Variants in PLCL2 observed in about 807,000 individuals in gnomAD.
PLCL2 encodes inactive phospholipase C-like protein 2.
Under a neutral mutation model 79.6 loss-of-function variants are expected in PLCL2, and 4 were observed. That is an observed-to-expected ratio of 0.05 (90% confidence interval 0.02 to 0.11). The LOEUF is 0.11. PLCL2 is among the 10% of genes least tolerant of loss of function. The pLI is 1.00. For missense variants in PLCL2, 895 were observed against 1,291.0 expected (o/e 0.69, Z 4.70); for synonymous variants, 484 against 457.7 (o/e 1.06, Z -0.73).
chr3:16,933,132 G>A (rs1177261957), intron 1 of PLCL2: 3 of 154,782 alleles, frequency 1.9e-5, no homozygotes, highest in Non-Finnish European at 2.9e-5. Context: ...GTATTTTACA[G>A]TGGTTGCTGC....
At position 16,952,599 on chromosome 3, in the gene PLCL2, CTT is replaced by C. The variant is rs1390202068; in HGVS notation, c.328-57073_328-57072del. On this transcript the variant is annotated intron_variant, in intron 1 of 5. Coordinates refer to ENST00000615277, the MANE Select transcript of PLCL2 (RefSeq NM_001144382.2). ...TTATGGGGGAAATTATTCCTGGCAT[CTT>C]TATTTAATAAAGCAGGATACAAATT... Among the ~76,000 whole-genome samples, 203 of 151,918 alleles carry C rather than the reference CTT, an allele frequency of 1.3e-3. 3 individuals carry two copies. The highest frequency in any genetic ancestry group is 2.5e-4 in the Non-Finnish European group (17 of 67,920).
intron 4 of PLCL2, among the ~76,000 whole-genome samples, chr3:17,054,525 C>G (rs903139212): frequency 2.6e-5 from 4 of 152,068 alleles, no homozygotes; most frequent in African/African-American, 9.7e-5. Flanking sequence ...AGGAAACTTA[C>G]AGTCATGGTG....
chr3:17,065,969 T>C (rs1008897034), intron 4 of PLCL2, among the ~76,000 whole-genome samples: 1 of 152,236 alleles, frequency 6.6e-6, no homozygotes, highest in Non-Finnish European at 1.5e-5. Flanking sequence ...GTATTAATTA[T>C]TCCTGTTTGG....
At chr3:16,986,562 C>A (rs1193859448) in intron 1 of PLCL2, among the ~76,000 whole-genome samples, 3 of 152,048 alleles carry the variant, frequency 2.0e-5, no homozygotes, top group African/African-American at 7.3e-5. Context: ...CCACCACACC[C>A]AGCTAATTTT....
At position 17,042,860 on chromosome 3, in the gene PLCL2, T is replaced by C; in HGVS notation, c.3019-14T>C. On this transcript the variant is annotated splice_polypyrimidine_tract_variant and intron_variant, in intron 3 of 5. Transcript: ENST00000615277. ...TGTCAGGTGTAATCTCATGTCTGGATGTTCCCTTTGCAGATGATTCAGTCC... is the reference window on the plus strand; with the variant it reads ...TGTCAGGTGTAATCTCATGTCTGGACGTTCCCTTTGCAGATGATTCAGTCC... 13 of 1,591,960 alleles carry C rather than the reference T, an allele frequency of 8.2e-6. No homozygotes were observed. Among genetic ancestry groups the C allele is most frequent in the Non-Finnish European group, 1.1e-5 (13 of 1,160,002 alleles).
intron 5 of PLCL2, among the ~76,000 whole-genome samples, chr3:17,077,122 CT>C (rs1472971644): frequency 1.4e-4 from 21 of 152,204 alleles, no homozygotes; most frequent in African/African-American, 4.8e-4. Context: ...TTGAGTTCCC[CT>C]TTCCTGCACT....
At chr3:16,958,508 A>G (rs1324510622) in intron 1 of PLCL2, among the ~76,000 whole-genome samples, 1 of 152,254 alleles carries the variant, frequency 6.6e-6, no homozygotes, top group Non-Finnish European at 1.5e-5. Flanking sequence ...AACTTTGTAG[A>G]TAGGTTAAAA....
intron 1 of PLCL2, among the ~76,000 whole-genome samples, chr3:16,911,726 A>G (rs995890403): frequency 6.6e-6 from 1 of 152,198 alleles, no homozygotes; most frequent in African/African-American, 2.4e-5. Context: ...ATCAATTTTC[A>G]TGCAAAATAC....
chr3:17,021,456 G>A (rs2064452084), intron 3 of PLCL2, among the ~76,000 whole-genome samples: 1 of 152,150 alleles, frequency 6.6e-6, no homozygotes, highest in African/African-American at 2.4e-5. Context: ...TCGGGAGCTG[G>A]GAGATTGAGA....
At chr3:17,066,304 C>T (rs2065010815) in intron 4 of PLCL2, among the ~76,000 whole-genome samples, 1 of 152,104 alleles carries the variant, frequency 6.6e-6, no homozygotes, top group African/African-American at 2.4e-5. Context: ...GTTCCCATAC[C>T]TTATTAGCAT....
chr3:17,027,498 T>C (rs897733978), intron 3 of PLCL2, among the ~76,000 whole-genome samples: 2 of 152,224 alleles, frequency 1.3e-5, no homozygotes, highest in African/African-American at 4.8e-5. Context: ...CAATGTTTAC[T>C]GTCTGGCTCT....
chr3:16,895,715 G>GC (rs1696463986), intron 1 of PLCL2, among the ~76,000 whole-genome samples: 1 of 152,134 alleles, frequency 6.6e-6, no homozygotes, highest in African/African-American at 2.4e-5. Flanking sequence ...CAACTCAAAT[G>GC]CCTATCTTAT....
intron 5 of PLCL2, among the ~76,000 whole-genome samples, chr3:17,072,682 A>G (rs2065072165): frequency 6.6e-6 from 1 of 152,008 alleles, no homozygotes; most frequent in Admixed American, 6.6e-5. Flanking sequence ...AAAAAAAAAA[A>G]AAAAAGACAA....
chr3:16,933,743 A>G (rs1334662898), intron 1 of PLCL2, among the ~76,000 whole-genome samples: 1 of 151,792 alleles, frequency 6.6e-6, no homozygotes, highest in African/African-American at 2.4e-5. Context: ...GTACACATCC[A>G]TTGTATAGAT....
chr3:17,007,612 A>T (rs909702447), intron 1 of PLCL2, among the ~76,000 whole-genome samples: 3 of 152,236 alleles, frequency 2.0e-5, no homozygotes, highest in African/African-American at 7.2e-5. Flanking sequence ...GAGGAAAATG[A>T]TACCCATATG....
chr3:17,050,594 A>G (rs1207212884), intron 4 of PLCL2, among the ~76,000 whole-genome samples: 1 of 152,198 alleles, frequency 6.6e-6, no homozygotes, highest in East Asian at 1.9e-4. Flanking sequence ...ACTAAATGAG[A>G]TATCATCTCA....
At chr3:16,928,994 T>C (rs1697325031) in intron 1 of PLCL2, among the ~76,000 whole-genome samples, 1 of 151,834 alleles carries the variant, frequency 6.6e-6, no homozygotes, top group Admixed American at 6.6e-5. Flanking sequence ...TCAAGGTTAG[T>C]TGTGAATGGG....
At chr3:17,004,055 C>T (rs1005939530) in intron 1 of PLCL2, among the ~76,000 whole-genome samples, 6 of 152,184 alleles carry the variant, frequency 3.9e-5, no homozygotes, top group African/African-American at 1.4e-4. Context: ...ACATCTTCTT[C>T]CCACGCTCTA....
chr3:17,080,611 T>C (rs1258717173), intron 5 of PLCL2, among the ~76,000 whole-genome samples: 1 of 152,224 alleles, frequency 6.6e-6, no homozygotes, highest in South Asian at 2.1e-4. Context: ...CCACCATGCC[T>C]GGCTAATTTT....
Sources: gnomAD v4.1 joint callset for allele counts (sites outside exome capture counted in the v4.1 genomes callset) on GRCh38, gnomAD v4.1.1 for gene constraint, MANE v1.5 for transcripts, NCBI Gene and HGNC (gene_info 2026-07-23, HGNC 2026-07-21) for gene names.